Variants in EIF3H observed in about 807,000 individuals in gnomAD.
The protein encoded by EIF3H is eukaryotic translation initiation factor 3 subunit H.
EIF3H carries 26 observed loss-of-function variants against 44.2 expected under a neutral mutation model. That is an observed-to-expected ratio of 0.59 (90% CI 0.43 to 0.82). The LOEUF (loss-of-function observed/expected upper bound fraction) is 0.82, where lower values mean the gene tolerates loss of function less well. Ranked by LOEUF, EIF3H falls within the 40% of genes least tolerant of loss-of-function variation. The probability of loss-of-function intolerance (pLI) is 0.00; values close to 1 mark genes in which losing one functional copy is unlikely to be tolerated. For synonymous variants in EIF3H, 166 were observed against 151.9 expected (o/e 1.09, Z -0.68); for missense variants, 359 against 432.8 (o/e 0.83, Z 1.51).
chr8:116,652,116 A>G (rs1268473984), intron 5 of EIF3H, among the ~76,000 whole-genome samples: 1 of 152,196 alleles, frequency 6.6e-6, no homozygotes, highest in Non-Finnish European at 1.5e-5. Context: ...TGAGCACAAG[A>G]GGGGGTTCAC....
intron 2 of EIF3H, among the ~76,000 whole-genome samples, chr8:116,659,268 C>G (rs940002375): frequency 6.6e-6 from 1 of 152,174 alleles, no homozygotes; most frequent in Non-Finnish European, 1.5e-5. Flanking sequence ...AATGTGGCGT[C>G]TAACTCCCCT....
rs776513470 is a variant in EIF3H at position 116,755,823 on chromosome 8, G to A, written c.-26C>T. The stretch of plus-strand genomic sequence containing the variant: ...CTTTCCAAGCAGACAGGAAGAAAGA[G>A]AAACGTGAGTTACCGGAAGCGGAAG... On this transcript the variant is annotated 5_prime_UTR_variant, in exon 1 of 8. Transcript: ENST00000521861. The A allele has an allele frequency of 1.2e-5, 20 of 1,610,786 alleles. No individual in the cohort carries two copies. The highest frequency in any genetic ancestry group is 1.7e-5 in the Admixed American group (1 of 59,996).
chr8:116,704,685 A>C (rs1346030751), intron 2 of EIF3H, among the ~76,000 whole-genome samples: 1 of 152,250 alleles, frequency 6.6e-6, no homozygotes, highest in Admixed American at 6.5e-5. Flanking sequence ...ACTGCATAAA[A>C]GGGAAAACAA....
intron 1 of EIF3H, among the ~76,000 whole-genome samples, chr8:116,755,352 C>G (rs1815421842): frequency 6.6e-6 from 1 of 152,160 alleles, no homozygotes. Flanking sequence ...TCGACACCTT[C>G]GTTAGCTGCT....
intron 1 of EIF3H, among the ~76,000 whole-genome samples, chr8:116,738,342 A>G (rs1253530316): frequency 6.6e-6 from 1 of 152,208 alleles, no homozygotes; most frequent in Non-Finnish European, 1.5e-5. Flanking sequence ...GAAGCAGTTA[A>G]GACTTGAAAG....
intron 2 of EIF3H, among the ~76,000 whole-genome samples, chr8:116,692,357 GATT>G (rs1398889724): frequency 2.7e-4 from 41 of 151,936 alleles, no homozygotes; most frequent in Non-Finnish European, 1.5e-5. Flanking sequence ...ACATTTAAAA[GATT>G]ATATATTTAC....
chr8:116,668,762 A>G (rs937868181), intron 2 of EIF3H, among the ~76,000 whole-genome samples: 4 of 152,144 alleles, frequency 2.6e-5, no homozygotes, highest in Admixed American at 2.6e-4. Flanking sequence ...GCACAATACT[A>G]TCTACTTCAT....
At chr8:116,661,879 A>C (rs966483252) in intron 2 of EIF3H, among the ~76,000 whole-genome samples, 3 of 152,216 alleles carry the variant, frequency 2.0e-5, no homozygotes, top group African/African-American at 7.2e-5. Context: ...CTAGGGAAGA[A>C]AGTCAAGAAA....
In EIF3H at chr8:116,751,222, T is replaced by A. The variant is rs866468269; in HGVS notation, c.132+4444A>T. On this transcript the variant is annotated intron_variant, in intron 1 of 7. Coordinates refer to ENST00000521861, the MANE Select transcript of EIF3H (RefSeq NM_003756.3). ...GCGAGACTCCGTCTCAAAAAAAAAA[T>A]AAAATAAAATAAAATAAAATAAAAT... Among the ~76,000 whole-genome samples the A allele has an allele frequency of 2.0e-3, 292 of 145,266 alleles. 1 individual carries two copies. In the Middle Eastern group the frequency reaches 0.022, roughly 11 times the overall value.
Position 116,755,810 on chromosome 8 carries a change from A to C in EIF3H, c.-13T>G, listed in dbSNP as rs181444043. The C allele has an allele frequency of 1.2e-6, 2 of 1,612,406 alleles. No homozygotes were observed. The highest frequency in any genetic ancestry group is 1.3e-5 in the African/African-American group (1 of 75,026). ...TGCGGGACGCCATCTTTCCAAGCAGACAGGAAGAAAGAGAAACGTGAGTTA... is the reference window on the plus strand; with the variant it reads ...TGCGGGACGCCATCTTTCCAAGCAGCCAGGAAGAAAGAGAAACGTGAGTTA... On this transcript the variant is annotated 5_prime_UTR_variant, in exon 1 of 8. Transcript: ENST00000521861.
chr8:116,726,078 A>G lies in EIF3H; in HGVS notation c.227T>C (p.Leu76Pro), dbSNP rs368244800. 9.3e-6 allele frequency: 15 copies of G among 1,614,134 alleles called. No homozygotes were observed. The highest frequency in any genetic ancestry group is 1.3e-5 in the Non-Finnish European group (15 of 1,179,990). Reference sequence around the variant, plus strand: ...GAAAGGAAAGCAGTTGGTAATTTCAAGCCGATCTTCTACAACCAGACCCAA... The same window carrying G: ...GAAAGGAAAGCAGTTGGTAATTTCAGGCCGATCTTCTACAACCAGACCCAA... ...VLLGLVVEDR[L>P]EITNCFPFPQ... Residue 76 changes from leucine (L) to proline (P), a missense_variant, in exon 2 of 8, where the codon CTT becomes CCT. Transcript: ENST00000521861.
chr8:116,709,826 G>T (rs923164901), intron 2 of EIF3H, among the ~76,000 whole-genome samples: 1 of 152,154 alleles, frequency 6.6e-6, no homozygotes, highest in Non-Finnish European at 1.5e-5. Context: ...CAAAAAATAC[G>T]AAGAGATAAA....
upstream of EIF3H, among the ~76,000 whole-genome samples, chr8:116,758,016 C>G (rs960479020): frequency 2.6e-5 from 4 of 152,166 alleles, no homozygotes; most frequent in Non-Finnish European, 4.4e-5. Context: ...GCCACCGCAC[C>G]TAGCCAATAT....
At chr8:116,757,317 G>C (rs540489583), upstream of EIF3H, among the ~76,000 whole-genome samples, 8 of 152,160 alleles carry the variant, frequency 5.3e-5, no homozygotes, top group African/African-American at 1.9e-4. Context: ...TGAAGAATTT[G>C]AATTAGAAAT....
At chr8:116,660,397 GAC>G (rs1244331361) in intron 2 of EIF3H, among the ~76,000 whole-genome samples, 2 of 152,168 alleles carry the variant, frequency 1.3e-5, no homozygotes, top group East Asian at 3.8e-4. Context: ...TCCTCAGATG[GAC>G]ACAGTCTGAT....
rs1813247508 is a variant in EIF3H, at chr8:116,643,047, C to G, written c.*1959G>C. 6.6e-6 allele frequency: 1 copy of G among 152,172 alleles called. No homozygotes were observed. Among genetic ancestry groups the G allele is most frequent in the African/African-American group, 2.4e-5 (1 of 41,434 alleles). The allele number at this position is 152,172 out of a possible 1,614,324, so 9.4% of individuals were successfully genotyped here. On this transcript the variant is annotated 3_prime_UTR_variant, in exon 8 of 8. Transcript: ENST00000521861. ...GTTATGTTCCAACTGATTTTCCTTG[C>G]TTTTATTTTGCTCGCTTGCTACTTT...
chr8:116,668,247 ACTATAAAACAT>A (rs1267128794), intron 2 of EIF3H, among the ~76,000 whole-genome samples: 1 of 152,204 alleles, frequency 6.6e-6, no homozygotes, highest in East Asian at 1.9e-4. Context: ...AGAATATAAA[ACTATAAAACAT>A]CTATAAATGC....
At chr8:116,662,613 CCA>C (rs1813602108) in intron 2 of EIF3H, among the ~76,000 whole-genome samples, 1 of 152,158 alleles carries the variant, frequency 6.6e-6, no homozygotes, top group African/African-American at 2.4e-5. Flanking sequence ...CTCCCTTCAC[CCA>C]CAGTTTATCC....
intron 7 of EIF3H, among the ~76,000 whole-genome samples, chr8:116,645,906 A>G (rs1813287943): frequency 1.3e-5 from 2 of 152,336 alleles, no homozygotes; most frequent in Middle Eastern, 3.4e-3. Flanking sequence ...GGCATTTAAC[A>G]TTTCTATAAG....
Sources: allele counts gnomAD v4.1 joint callset (sites outside exome capture counted in the v4.1 genomes callset), GRCh38; gene constraint gnomAD v4.1.1; transcripts MANE v1.5; gene names NCBI Gene and HGNC (gene_info 2026-07-23, HGNC 2026-07-21).